Variants in UBE2E2 observed in about 807,000 individuals in gnomAD.
UBE2E2 encodes the protein ubiquitin-conjugating enzyme E2 E2.
In UBE2E2, 6 loss-of-function variants were observed where a neutral mutation model predicts 24.7. The ratio of observed to expected loss-of-function variants is 0.24; its 90% CI spans 0.13 to 0.48. The LOEUF (loss-of-function observed/expected upper bound fraction) is 0.48. UBE2E2 is among the 20% of genes least tolerant of loss of function. The pLI is 0.99. For missense variants in UBE2E2, 169 were observed against 245.0 expected (o/e 0.69, Z 2.07); for synonymous variants, 104 against 83.6 (o/e 1.24, Z -1.33).
At chr3:23,354,994 G>A (rs1181913547) in intron 3 of UBE2E2, among the ~76,000 whole-genome samples, 3 of 151,900 alleles carry the variant, frequency 2.0e-5, no homozygotes, top group African/African-American at 4.8e-5. Flanking sequence ...GTCCAACAAC[G>A]ATAGACTGGA....
intron 3 of UBE2E2, among the ~76,000 whole-genome samples, chr3:23,489,971 A>C (rs534341241): frequency 6.6e-6 from 1 of 152,206 alleles, no homozygotes; most frequent in East Asian, 1.9e-4. Flanking sequence ...AGTCATTTTT[A>C]CTGCAAGGAA....
At position 23,326,259 on chromosome 3, in the gene UBE2E2, C is replaced by T. The variant is rs534779171; in HGVS notation, c.227+108947C>T. 1.7e-4 allele frequency among the ~76,000 whole-genome samples: 26 copies of T among 152,118 alleles called. No individual in the cohort carries two copies. The South Asian group carries it at 4.8e-3, about 28-fold the overall frequency. ...GCTAATTTTGTATTTTTAGTGGAAACGGTGTTTCACCATTTTGGCCAGGCT... is the reference window on the plus strand; with the variant it reads ...GCTAATTTTGTATTTTTAGTGGAAATGGTGTTTCACCATTTTGGCCAGGCT... On this transcript the variant is annotated intron_variant, in intron 3 of 5. Coordinates refer to ENST00000396703, the MANE Select transcript of UBE2E2 (RefSeq NM_152653.4).
At chr3:23,320,883 G>A (rs571055866) in intron 3 of UBE2E2, among the ~76,000 whole-genome samples, 98 of 152,258 alleles carry the variant, frequency 6.4e-4, no homozygotes, top group African/African-American at 2.3e-3. Flanking sequence ...GTTTCCTAGG[G>A]CTGCTGTAAC....
chr3:23,235,781 G>A (rs1380060463), intron 3 of UBE2E2, among the ~76,000 whole-genome samples: 1 of 152,082 alleles, frequency 6.6e-6, no homozygotes, highest in Non-Finnish European at 1.5e-5. Flanking sequence ...GGAAATGGTG[G>A]TGCCTGTTTT....
At chr3:23,562,505 A>T (rs1368847092) in intron 5 of UBE2E2, among the ~76,000 whole-genome samples, 1 of 152,162 alleles carries the variant, frequency 6.6e-6, no homozygotes, top group African/African-American at 2.4e-5. Context: ...ATCGATGTTC[A>T]TCAGGGATAT....
chr3:23,587,079 G>T (rs1696643346), intron 5 of UBE2E2, among the ~76,000 whole-genome samples: 1 of 151,976 alleles, frequency 6.6e-6, no homozygotes. Context: ...CTGTTTTATA[G>T]TTAGTGTGTA....
chr3:23,225,878 T>G (rs1419098898), intron 3 of UBE2E2, among the ~76,000 whole-genome samples: 2 of 152,056 alleles, frequency 1.3e-5, no homozygotes, highest in Non-Finnish European at 2.9e-5. Context: ...AAAGTGTTTT[T>G]TTTTTTTGTT....
chr3:23,369,709 G>C (rs1216606064), intron 3 of UBE2E2, among the ~76,000 whole-genome samples: 2 of 152,158 alleles, frequency 1.3e-5, no homozygotes, highest in African/African-American at 2.4e-5. Flanking sequence ...TCTTGTGTTA[G>C]AGGTAAGCAT....
chr3:23,332,879 A>T (rs915557068), intron 3 of UBE2E2, among the ~76,000 whole-genome samples: 14 of 152,180 alleles, frequency 9.2e-5, no homozygotes, highest in Non-Finnish European at 2.1e-4. Flanking sequence ...CCAGCACTTT[A>T]TAAGACTCCC....
chr3:23,267,282 G>C (rs1443667707), intron 3 of UBE2E2, among the ~76,000 whole-genome samples: 1 of 151,806 alleles, frequency 6.6e-6, no homozygotes, highest in East Asian at 1.9e-4. Context: ...TTTTTGAAAG[G>C]ATCAACAAAA....
At chr3:23,217,762 GGT>G (rs1696517675) in intron 3 of UBE2E2, among the ~76,000 whole-genome samples, 1 of 151,970 alleles carries the variant, frequency 6.6e-6, no homozygotes. Flanking sequence ...TGTCGTCATT[GGT>G]TGTGACTAGG....
In UBE2E2 at chr3:23,446,218, C is replaced by A. The variant is rs1256765449; in HGVS notation, c.228-53390C>A. On this transcript the variant is annotated intron_variant, in intron 3 of 5. Coordinates refer to ENST00000396703, the MANE Select transcript of UBE2E2 (RefSeq NM_152653.4). ...AGCCTCCAGGATCAAAGAAGGTCCA[C>A]CTTTTTCTTAACAGTAGATTTGAGA... Among the ~76,000 whole-genome samples, 13 of 152,114 alleles carry A rather than the reference C, an allele frequency of 8.5e-5. 1 individual carries two copies.
At chr3:23,441,983 T>A (rs1698316827) in intron 3 of UBE2E2, among the ~76,000 whole-genome samples, 1 of 152,180 alleles carries the variant, frequency 6.6e-6, no homozygotes, top group African/African-American at 2.4e-5. Flanking sequence ...AAATTGAAGT[T>A]CCCTAGTGTT....
At position 23,532,586 on chromosome 3, in the gene UBE2E2, T is replaced by C; in HGVS notation, c.393T>C (p.Asn131=). 1 of 1,554,020 alleles carries C rather than the reference T, an allele frequency of 6.4e-7. No individual in the cohort carries two copies. Among genetic ancestry groups the C allele is most frequent in the Non-Finnish European group, 8.8e-7 (1 of 1,138,536 alleles). Residue 131 remains asparagine (N), a synonymous_variant, in exon 5 of 6, where the codon AAT becomes AAC. Transcript: ENST00000396703. The part of the protein sequence containing the change: ...VTFRTRIYHC[N]INSQGVICLD... ...TCCGAACAAGAATCTATCACTGTAATATTAACAGCCAAGGTGTGATCTGTC... is the reference window on the plus strand; with the variant it reads ...TCCGAACAAGAATCTATCACTGTAACATTAACAGCCAAGGTGTGATCTGTC...
At chr3:23,504,020 C>A (rs7643270) in intron 4 of UBE2E2, among the ~76,000 whole-genome samples, 44,126 of 151,928 alleles carry the variant, frequency 0.29, 6,841 homozygotes, top group African/African-American at 0.39. Context: ...AAAAATTTGC[C>A]TGTAATCTCC....
intron 3 of UBE2E2, among the ~76,000 whole-genome samples, chr3:23,393,839 A>C (rs1415662115): frequency 6.6e-6 from 1 of 152,206 alleles, no homozygotes; most frequent in Non-Finnish European, 1.5e-5. Context: ...TCACATTTTA[A>C]TATTCATAAA....
chr3:23,354,979 C>T (rs1405469092), intron 3 of UBE2E2, among the ~76,000 whole-genome samples: 1 of 151,798 alleles, frequency 6.6e-6, no homozygotes, highest in East Asian at 1.9e-4. Flanking sequence ...GGAACCAACC[C>T]AAATGTCCAA....
chr3:23,203,274 C>T (rs1256175147), upstream of UBE2E2: 7 of 986,498 alleles, frequency 7.1e-6, no homozygotes, highest in African/African-American at 1.2e-4. Flanking sequence ...TGAGTCCGGG[C>T]GGGCGCGAGC....
chr3:23,282,719 G>C (rs1361174365), intron 3 of UBE2E2, among the ~76,000 whole-genome samples: 1 of 152,012 alleles, frequency 6.6e-6, no homozygotes, highest in South Asian at 2.1e-4. Flanking sequence ...AATACTGTCA[G>C]TATATTGTCA....
Sources: gnomAD v4.1 joint callset for allele counts (sites outside exome capture counted in the v4.1 genomes callset) on GRCh38, gnomAD v4.1.1 for gene constraint, MANE v1.5 for transcripts, NCBI Gene and HGNC (gene_info 2026-07-23, HGNC 2026-07-21) for gene names.